Variants in SHPRH observed in about 807,000 individuals in gnomAD.
SHPRH encodes the protein SNF2 histone linker PHD RING helicase, also known as E3 ubiquitin-protein ligase SHPRH.
A neutral mutation model predicts 202.5 loss-of-function variants in SHPRH; 106 were observed. That is an observed-to-expected ratio of 0.52 (90% CI 0.45 to 0.62). The LOEUF is 0.62. SHPRH is among the 20% of genes least tolerant of loss of function. The pLI, the probability that SHPRH is intolerant of heterozygous loss-of-function variation, is 0.00. For synonymous variants in SHPRH, 729 were observed against 686.0 expected (o/e 1.06, Z -0.98); for missense variants, 1,710 against 2,020.0 (o/e 0.85, Z 2.94).
chr6:145,946,362 T>C lies in SHPRH; in HGVS notation c.1213-21A>G, dbSNP rs771270543. The C allele has an allele frequency of 1.5e-5, 23 of 1,563,340 alleles. 1 individual carries two copies. The highest frequency in any genetic ancestry group is 2.6e-6 in the Non-Finnish European group (3 of 1,143,878). ...TTTCCCTGATACAAACAACAGTCAG[T>C]AGTTACACAGTGTTTTGCTTTCAGT... On this transcript the variant is annotated intron_variant, in intron 6 of 29. Transcript: ENST00000275233.
rs1030451616 is a variant in SHPRH, at chr6:145,893,374, T to G, written c.4715A>C (p.Lys1572Thr). The G allele has an allele frequency of 6.3e-7, 1 of 1,588,550 alleles. No individual in the cohort carries two copies. Among genetic ancestry groups the G allele is most frequent in the Non-Finnish European group, 8.5e-7 (1 of 1,171,512 alleles). The change falls in exon 28 of 30, where the codon AAA becomes ACA. Residue 1572 changes from lysine (K) to threonine (T), a missense_variant. By Grantham distance (78) the Lys-to-Thr change is moderately conservative (BLOSUM62 -1). Coordinates refer to ENST00000275233, the MANE Select transcript of SHPRH (RefSeq NM_001042683.3). Reference protein sequence around the residue: ...KTFQENLSAFKRDPQINILLL... With the variant: ...KTFQENLSAFTRDPQINILLL... ...CAAAATATTGATTTGGGGATCACGT[T>G]TAAATGCTGAAAGGTTCTCCTAAAA...
chr6:145,920,117 T>C (rs1263870577), intron 21 of SHPRH, among the ~76,000 whole-genome samples: 1 of 152,150 alleles, frequency 6.6e-6, no homozygotes, highest in African/African-American at 2.4e-5. Flanking sequence ...TATACATTTT[T>C]TGACAGGCTC....
intron 1 of SHPRH, among the ~76,000 whole-genome samples, chr6:145,959,188 A>G (rs2128810648): frequency 6.6e-6 from 1 of 152,284 alleles, no homozygotes; most frequent in African/African-American, 2.4e-5. Context: ...CAGTGTTTAC[A>G]AAGTCTACAG....
intron 29 of SHPRH, 131 bp from the exon 30 acceptor site, chr6:145,886,918 G>C (rs1436124540): frequency 1.2e-6 from 1 of 837,724 alleles, no homozygotes; most frequent in African/African-American, 1.7e-5. Context: ...AACTCCCAGA[G>C]GAAAGCAAGT....
chr6:145,911,356 G>A (rs1057413801), intron 24 of SHPRH, among the ~76,000 whole-genome samples: 14 of 151,952 alleles, frequency 9.2e-5, no homozygotes, highest in Admixed American at 4.6e-4. Context: ...GACTGGTCTC[G>A]AACTCCTGAC....
At chr6:145,859,068 T>C in the SHPRH span, among the ~76,000 whole-genome samples, 3 of 152,052 alleles carry the variant, frequency 2.0e-5, no homozygotes, top group Non-Finnish European at 4.4e-5. Flanking sequence ...GTATTCTAGA[T>C]AGTATAAAAA....
chr6:145,924,985 G>C, intron 16 of SHPRH, 139 bp from the exon 17 acceptor site: 1 of 527,088 alleles, frequency 1.9e-6, no homozygotes, highest in Non-Finnish European at 3.1e-6. Context: ...GTATACTGTA[G>C]AGAACATAAA....
intron 1 of SHPRH, among the ~76,000 whole-genome samples, chr6:145,962,122 A>AG (rs1434358203): frequency 1.3e-5 from 2 of 152,342 alleles, no homozygotes; most frequent in Admixed American, 1.3e-4. Flanking sequence ...TAAATATAAA[A>AG]GCCTTTTGCT....
chr6:145,859,930 T>C (rs1321546277), downstream of SHPRH, among the ~76,000 whole-genome samples: 1 of 152,080 alleles, frequency 6.6e-6, no homozygotes, highest in Admixed American at 6.5e-5. Context: ...GGTTTTTGTT[T>C]AACCTATATT....
intron 25 of SHPRH, among the ~76,000 whole-genome samples, chr6:145,897,948 AT>A (rs1280846441): frequency 6.6e-6 from 1 of 152,198 alleles, no homozygotes; most frequent in Middle Eastern, 3.2e-3. Flanking sequence ...TTCCTTTAAG[AT>A]CAGCAAAACA....
downstream of SHPRH, among the ~76,000 whole-genome samples, chr6:145,863,060 A>G (rs1779636010): frequency 6.6e-6 from 1 of 152,234 alleles, no homozygotes. Context: ...GATATCATGT[A>G]TTGAACAACA....
chr6:145,928,697 T>G (rs1018517410), intron 14 of SHPRH, among the ~76,000 whole-genome samples: 14 of 151,950 alleles, frequency 9.2e-5, no homozygotes, highest in African/African-American at 3.4e-4. Flanking sequence ...TATTCAGTGT[T>G]GTGCAAAACA....
At chr6:145,883,823 T>C (rs191255333), downstream of SHPRH, 1 of 152,316 alleles carries the variant, frequency 6.6e-6, no homozygotes, top group Admixed American at 6.5e-5. Flanking sequence ...TACATTCCAT[T>C]TTTGCATTTG....
chr6:145,948,448 C>A, intron 4 of SHPRH, 98 bp from the exon 5 acceptor site: 1 of 786,118 alleles, frequency 1.3e-6, no homozygotes, highest in South Asian at 2.3e-5. Context: ...GATACTCTGG[C>A]ATAGTGATAC....
intron 2 of SHPRH, among the ~76,000 whole-genome samples, chr6:145,867,619 T>G (rs1184739634): frequency 3.1e-4 from 22 of 70,300 alleles, no homozygotes; most frequent in Non-Finnish European, 4.6e-4. Flanking sequence ...TATATATATA[T>G]ATATATATAT....
At chr6:145,926,870 T>C (rs995573168) in intron 15 of SHPRH, among the ~76,000 whole-genome samples, 25 of 151,984 alleles carry the variant, frequency 1.6e-4, no homozygotes, top group Admixed American at 1.6e-3. Flanking sequence ...TGTGAATAAA[T>C]ATGTTGATAT....
intron 23 of SHPRH, among the ~76,000 whole-genome samples, chr6:145,913,968 A>G (rs1229215509): frequency 6.6e-6 from 1 of 152,186 alleles, no homozygotes; most frequent in Non-Finnish European, 1.5e-5. Flanking sequence ...ATTGATTTTT[A>G]TAAGTAAATC....
chr6:145,952,925 C>G (rs1435681522), intron 2 of SHPRH, among the ~76,000 whole-genome samples: 4 of 151,982 alleles, frequency 2.6e-5, no homozygotes, highest in Non-Finnish European at 5.9e-5. Context: ...AAAAAACAGA[C>G]CTTGATTAAT....
chr6:145,864,360 T>C (rs771863370), exon 3 of SHPRH: 1 of 416,470 alleles, frequency 2.4e-6, no homozygotes, highest in East Asian at 7.3e-5. Flanking sequence ...AATCAAAAAA[T>C]TTTTAAAGTA....
Sources: allele counts gnomAD v4.1 joint callset (sites outside exome capture counted in the v4.1 genomes callset), GRCh38; gene constraint gnomAD v4.1.1; transcripts MANE v1.5; gene names NCBI Gene and HGNC (gene_info 2026-07-23, HGNC 2026-07-21).